Variants in CFAP61 observed in about 807,000 individuals in gnomAD.
The protein encoded by CFAP61 is cilia and flagella associated protein 61, also known as cilia- and flagella-associated protein 61.
In CFAP61, 107 loss-of-function variants were observed where a neutral mutation model predicts 135.6. The ratio of observed to expected loss-of-function variants is 0.79; its 90% CI spans 0.67 to 0.93. The LOEUF is 0.93. Ranked by LOEUF, CFAP61 falls within the 40% of genes least tolerant of loss-of-function variation. The pLI is 0.00. For synonymous variants in CFAP61, 575 were observed against 578.5 expected (o/e 0.99, Z 0.09); for missense variants, 1,507 against 1,556.2 (o/e 0.97, Z 0.53).
intron 25 of CFAP61, among the ~76,000 whole-genome samples, chr20:20,300,649 G>A (rs1047764261): frequency 2.7e-5 from 4 of 149,860 alleles, no homozygotes; most frequent in Non-Finnish European, 1.5e-5. Context: ...CTGTTGCCCA[G>A]GCTGGAGTAT....
At chr20:20,185,990 A>G (rs537002383) in intron 13 of CFAP61, among the ~76,000 whole-genome samples, 3 of 152,082 alleles carry the variant, frequency 2.0e-5, no homozygotes, top group Non-Finnish European at 4.4e-5. Flanking sequence ...TTATTTTGGC[A>G]TTACATATAT....
rs572207929 is a variant in CFAP61, at chr20:20,211,672, T to C, written c.1932+11770T>C. 9.8e-5 allele frequency among the ~76,000 whole-genome samples: 15 copies of C among 152,332 alleles called. No individual in the cohort carries two copies. The South Asian group carries it at 2.7e-3, about 27-fold the overall frequency. On this transcript the variant is annotated intron_variant, in intron 17 of 26. Transcript: ENST00000245957. ...GGCAATAAACATAAATTACAGACTG[T>C]GCCACATTCCTACTTCTTGTGCTGT...
At chr20:20,318,157 G>A (rs894079950) in intron 25 of CFAP61, among the ~76,000 whole-genome samples, 2 of 152,126 alleles carry the variant, frequency 1.3e-5, no homozygotes, top group African/African-American at 4.8e-5. Flanking sequence ...GTGCCTCCAA[G>A]GCTGCTGGAG....
intron 8 of CFAP61, among the ~76,000 whole-genome samples, chr20:20,115,643 A>T (rs143344562): frequency 6.6e-6 from 1 of 152,044 alleles, no homozygotes; most frequent in African/African-American, 2.4e-5. Context: ...CTCCACCTTC[A>T]TAGATCCATT....
intron 25 of CFAP61, among the ~76,000 whole-genome samples, chr20:20,316,431 G>A (rs1367272142): frequency 6.6e-6 from 1 of 151,842 alleles, no homozygotes; most frequent in Non-Finnish European, 1.5e-5. Flanking sequence ...AGCTTAAGGA[G>A]ATTTTGGGCT....
At chr20:20,143,535 G>T (rs1385730624) in intron 9 of CFAP61, among the ~76,000 whole-genome samples, 2 of 152,190 alleles carry the variant, frequency 1.3e-5, no homozygotes, top group East Asian at 3.8e-4. Context: ...ACGGAGACTG[G>T]ATTTACTCTC....
At chr20:20,199,372 T>C (rs1195720670) in intron 16 of CFAP61, among the ~76,000 whole-genome samples, 1 of 152,170 alleles carries the variant, frequency 6.6e-6, no homozygotes, top group African/African-American at 2.4e-5. Flanking sequence ...ATGTGTCTTC[T>C]TAAAGCAGCT....
intron 3 of CFAP61, among the ~76,000 whole-genome samples, chr20:20,072,089 A>ATTTT (rs2045748307): frequency 1.0e-5 from 1 of 98,912 alleles, no homozygotes; most frequent in Non-Finnish European, 2.0e-5. Flanking sequence ...TAATCTAGCA[A>ATTTT]TCTTTTTTTT....
chr20:20,213,652 G>A (rs1325740182), intron 17 of CFAP61, among the ~76,000 whole-genome samples: 2 of 152,078 alleles, frequency 1.3e-5, no homozygotes, highest in Non-Finnish European at 2.9e-5. Context: ...ATATGCTCAA[G>A]AATAAGCAAT....
intron 18 of CFAP61, among the ~76,000 whole-genome samples, chr20:20,245,124 A>G (rs1033112810): frequency 1.3e-5 from 2 of 152,116 alleles, no homozygotes; most frequent in Admixed American, 6.6e-5. Context: ...ACATTTTCTC[A>G]TCTTCTTCTG....
At chr20:20,066,341 G>T (rs8118449) in intron 2 of CFAP61, among the ~76,000 whole-genome samples, 240 of 152,254 alleles carry the variant, frequency 1.6e-3, no homozygotes, top group Admixed American at 3.0e-3. Context: ...ATACCCAAAG[G>T]ATTATAAATC....
chr20:20,061,539 TGTATA>T (rs2044796222), intron 2 of CFAP61, among the ~76,000 whole-genome samples: 2 of 152,206 alleles, frequency 1.3e-5, no homozygotes, highest in South Asian at 4.2e-4. Context: ...CAGCAGACAG[TGTATA>T]GTTCAGGACA....
chr20:20,272,243 C>G (rs1241710989), intron 21 of CFAP61, among the ~76,000 whole-genome samples: 1 of 152,104 alleles, frequency 6.6e-6, no homozygotes, highest in African/African-American at 2.4e-5. Flanking sequence ...AGTTCACTAC[C>G]AGCCTGGCCA....
intron 8 of CFAP61, among the ~76,000 whole-genome samples, chr20:20,102,228 T>C (rs146636455): frequency 6.6e-6 from 1 of 152,352 alleles, no homozygotes; most frequent in African/African-American, 2.4e-5. Context: ...TAAATGGTTG[T>C]AACTGAATCT....
rs2059431868 is a variant in CFAP61 at position 20,360,471 on chromosome 20, T to C, written c.*61T>C. 1 of 1,496,880 alleles carries C rather than the reference T, an allele frequency of 6.7e-7. No individual in the cohort carries two copies. The highest frequency in any genetic ancestry group is 9.2e-7 in the Non-Finnish European group (1 of 1,086,002). The allele number at this position is 1,496,880 out of a possible 1,614,324, so 92.7% of individuals were successfully genotyped here. ...ATTTAGTTCCTGGAAACGCGCTCTG[T>C]AGAAATAGAAAAGTTCTCTGCAGCC... On this transcript the variant is annotated 3_prime_UTR_variant, in exon 27 of 27. Transcript: ENST00000245957.
At chr20:20,090,587 G>A (rs993785146) in intron 6 of CFAP61, among the ~76,000 whole-genome samples, 19 of 151,412 alleles carry the variant, frequency 1.3e-4, no homozygotes, top group African/African-American at 4.6e-4. Flanking sequence ...CTACTCGGGA[G>A]GCTGAGGCAG....
intron 7 of CFAP61, among the ~76,000 whole-genome samples, chr20:20,091,190 C>T (rs568032357): frequency 2.6e-5 from 4 of 152,236 alleles, no homozygotes; most frequent in South Asian, 2.1e-4. Flanking sequence ...CAGATGCCCA[C>T]GATGCTGTAG....
At chr20:20,342,408 C>A (rs1251332018) in intron 26 of CFAP61, among the ~76,000 whole-genome samples, 1 of 152,206 alleles carries the variant, frequency 6.6e-6, no homozygotes, top group Non-Finnish European at 1.5e-5. Context: ...CATTAGGCTG[C>A]GTAGCCCAAG....
intron 8 of CFAP61, among the ~76,000 whole-genome samples, chr20:20,100,378 G>A (rs567329473): frequency 4.1e-4 from 63 of 152,024 alleles, no homozygotes; most frequent in Non-Finnish European, 7.8e-4. Context: ...TCACCATGTT[G>A]GCCAGGCTGG....
Sources: allele counts gnomAD v4.1 joint callset (sites outside exome capture counted in the v4.1 genomes callset), GRCh38; gene constraint gnomAD v4.1.1; transcripts MANE v1.5; gene names NCBI Gene and HGNC (gene_info 2026-07-23, HGNC 2026-07-21).